UVSSA: variants seen among roughly 807,000 people sequenced by gnomAD.
UVSSA encodes the protein UV-stimulated scaffold protein A.
A neutral mutation model predicts 73.9 loss-of-function variants in UVSSA; 72 were observed. The observed-to-expected ratio is 0.97, with a 90% CI of 0.81 to 1.19. UVSSA has a LOEUF of 1.19. Ranked by LOEUF, UVSSA falls within the 50% of genes most tolerant of loss-of-function variation. The pLI, the probability that UVSSA is intolerant of heterozygous loss-of-function variation, is 0.00. For missense variants in UVSSA, 1,150 were observed against 965.0 expected (o/e 1.19, Z -2.54); for synonymous variants, 454 against 391.3 (o/e 1.16, Z -1.89).
chr4:1,342,331 TC>T (rs1713461245), upstream of UVSSA, among the ~76,000 whole-genome samples: 1 of 152,198 alleles, frequency 6.6e-6, no homozygotes, highest in Non-Finnish European at 1.5e-5. Context: ...CCCTTGCTTT[TC>T]TTTGATGTCT....
At chr4:1,367,149 A>G (rs1265279476) in intron 8 of UVSSA, among the ~76,000 whole-genome samples, 1 of 152,136 alleles carries the variant, frequency 6.6e-6, no homozygotes, top group East Asian at 1.9e-4. Flanking sequence ...GTCAGGGAGC[A>G]CTCGGGAGGT....
rs199712737 is a variant in UVSSA at position 1,354,714 on chromosome 4, C to T, written c.935-21C>T. 6.3e-4 allele frequency: 1,009 copies of T among 1,608,574 alleles called. 5 individuals carry two copies. Among genetic ancestry groups the T allele is most frequent in the Middle Eastern group, 3.6e-3 (22 of 6,052 alleles). ...GACGCCAGTCGGCGCCCTCTTGTGA[C>T]CTCTGTGTGCTTCTCCCCAGAGGGC... On this transcript the variant is annotated intron_variant, in intron 5 of 13. Transcript: ENST00000389851.
chr4:1,349,921 G>A, intron 3 of UVSSA, 67 bp downstream of exon 3: 1 of 1,384,830 alleles, frequency 7.2e-7, no homozygotes, highest in Non-Finnish European at 9.6e-7. Flanking sequence ...ACGATACCAG[G>A]GTGAAGATGC....
Position 1,380,158 on chromosome 4 carries a change from T to A in UVSSA, c.1680T>A (p.Phe560Leu). Residue 560 changes from phenylalanine (F) to leucine (L), a missense_variant, in exon 11 of 14, where the codon TTT (phenylalanine) becomes TTA (leucine). Phe to Leu is a conservative substitution (Grantham distance 22). Coordinates refer to ENST00000389851, the MANE Select transcript of UVSSA (RefSeq NM_020894.4). ...RSRHITFAGK[F>L]EPVQHWCRAP... ...GCCACATCACTTTTGCCGGGAAGTTTGAGCCTGTGCAGCACTGGTGCCGTG... is the reference window on the plus strand; with the variant it reads ...GCCACATCACTTTTGCCGGGAAGTTAGAGCCTGTGCAGCACTGGTGCCGTG... The A allele has an allele frequency of 6.2e-7, 1 of 1,613,140 alleles. No individual in the cohort carries two copies. Among genetic ancestry groups the A allele is most frequent in the African/African-American group, 1.3e-5 (1 of 75,028 alleles).
Position 1,376,126 on chromosome 4 carries a change from A to C in UVSSA, c.1526A>C (p.His509Pro), listed in dbSNP as rs368442048. 1.1e-5 allele frequency: 17 copies of C among 1,610,216 alleles called. No homozygotes were observed. The South Asian group carries it at 1.3e-4, about 13-fold the overall frequency. ...APVVPYGVDL[H>P]YWGQELPTAG... ...GTGGTGCCCTACGGCGTGGACCTGCACTACTGGGGCCAGGAGCTCCCCACA... is the reference window on the plus strand; with the variant it reads ...GTGGTGCCCTACGGCGTGGACCTGCCCTACTGGGGCCAGGAGCTCCCCACA... Residue 509 changes from histidine (H) to proline (P), a missense_variant, in exon 10 of 14, where the codon CAC (histidine) becomes CCC (proline). Transcript: ENST00000389851.
In UVSSA at chr4:1,383,959, T is replaced by G; in HGVS notation, c.2036+19T>G. On this transcript the variant is annotated intron_variant, in intron 13 of 13. Transcript: ENST00000389851. Reference sequence around the variant, plus strand: ...TCGCCAAGTAAGAGTGGCTGCTGGGTCACCTCCCACCGCGTGGCCCCCCCG... The same window carrying G: ...TCGCCAAGTAAGAGTGGCTGCTGGGGCACCTCCCACCGCGTGGCCCCCCCG... The G allele has an allele frequency of 6.2e-7, 1 of 1,602,852 alleles. No homozygotes were observed. The highest frequency in any genetic ancestry group is 8.5e-7 in the Non-Finnish European group (1 of 1,175,208).
Position 1,353,363 on chromosome 4 carries a change from G to A in UVSSA, c.884G>A (p.Ser295Asn), listed in dbSNP as rs1357949990. ...AGCGACCTCGAGGAGTTTGTGCGGAGCCACGGGCTGGGCTCGCACAAGTAC... is the reference window on the plus strand; with the variant it reads ...AGCGACCTCGAGGAGTTTGTGCGGAACCACGGGCTGGGCTCGCACAAGTAC... ...EDSDLEEFVRSHGLGSHKYTL... is the reference protein window; with the variant it reads ...EDSDLEEFVRNHGLGSHKYTL... Residue 295 changes from serine (S) to asparagine (N), a missense_variant, in exon 5 of 14, where the codon AGC becomes AAC. Coordinates refer to ENST00000389851, the MANE Select transcript of UVSSA (RefSeq NM_020894.4). 1.2e-6 allele frequency: 2 copies of A among 1,606,692 alleles called. No homozygotes were observed. The highest frequency in any genetic ancestry group is 1.7e-6 in the Non-Finnish European group (2 of 1,177,240).
chr4:1,369,305 T>C (rs562620583), intron 8 of UVSSA, among the ~76,000 whole-genome samples: 1 of 152,318 alleles, frequency 6.6e-6, no homozygotes, highest in East Asian at 1.9e-4. Context: ...AGAGCTGCCC[T>C]CTGGGGTGCG....
chr4:1,346,700 G>T (rs1044618853), upstream of UVSSA, among the ~76,000 whole-genome samples: 1 of 152,092 alleles, frequency 6.6e-6, no homozygotes, highest in Non-Finnish European at 1.5e-5. Flanking sequence ...GCCCGTCTGG[G>T]CGGTCCTCAC....
At position 1,349,039 on chromosome 4, in the gene UVSSA, T is replaced by TGCG. The variant is rs1553874580; in HGVS notation, c.99-484_99-483insCGG. On this transcript the variant is annotated intron_variant, in intron 2 of 13. Transcript: ENST00000389851. ...GGTGTGCGGTTTGTGCCAGGCGGTG[T>TGCG]GTGTTTGTGCCGGGCGGTTGGCGTT... Among the ~76,000 whole-genome samples, 230 of 50,942 alleles carry TGCG rather than the reference T, an allele frequency of 4.5e-3. 2 individuals carry two copies. The highest frequency in any genetic ancestry group is 0.013 in the African/African-American group (186 of 14,260). The allele number at this position is 50,942 out of a possible 152,430, so 33.4% of individuals were successfully genotyped here. A position where few individuals can be genotyped will look rare whatever the true frequency, so the allele number is the denominator to read the frequency against.
intron 7 of UVSSA, among the ~76,000 whole-genome samples, chr4:1,362,911 G>C (rs994199601): frequency 1.3e-5 from 2 of 152,202 alleles, no homozygotes; most frequent in African/African-American, 4.8e-5. Context: ...TAGGCTCACG[G>C]CTTCCCCATC....
At chr4:1,344,855 T>C (rs1332038824), upstream of UVSSA, among the ~76,000 whole-genome samples, 1 of 151,766 alleles carries the variant, frequency 6.6e-6, no homozygotes, top group Non-Finnish European at 1.5e-5. Flanking sequence ...TTGCTCAGGG[T>C]GAGACATGAG....
chr4:1,376,133 G>C lies in UVSSA; in HGVS notation c.1533G>C (p.Trp511Cys). Residue 511 changes from tryptophan to cysteine, a missense_variant, in exon 10 of 14, where the codon TGG becomes TGC. Physicochemically the swap from Trp to Cys is radical, Grantham distance 215. Coordinates refer to ENST00000389851, the MANE Select transcript of UVSSA (RefSeq NM_020894.4). ...VVPYGVDLHY[W>C]GQELPTAGKI... Reference sequence around the variant, plus strand: ...CCTACGGCGTGGACCTGCACTACTGGGGCCAGGAGCTCCCCACAGCCGGGA... The same window carrying C: ...CCTACGGCGTGGACCTGCACTACTGCGGCCAGGAGCTCCCCACAGCCGGGA... 2 of 1,610,362 alleles carry C rather than the reference G, an allele frequency of 1.2e-6. No individual in the cohort carries two copies. The highest frequency in any genetic ancestry group is 1.7e-6 in the Non-Finnish European group (2 of 1,178,876).
chr4:1,355,786 C>T (rs558138297), intron 7 of UVSSA, among the ~76,000 whole-genome samples: 6 of 152,138 alleles, frequency 3.9e-5, no homozygotes, highest in South Asian at 2.1e-4. Context: ...GCAGGGCTGC[C>T]GCGAGGGGCT....
rs1553874604 is a variant in UVSSA at position 1,349,061 on chromosome 4, C to CGTTTGTGCCGGGCGGTGTACG, written c.99-446_99-445insTACGGTTTGTGCCGGGCGGTG. 1.6e-3 allele frequency among the ~76,000 whole-genome samples: 217 copies of CGTTTGTGCCGGGCGGTGTACG among 137,896 alleles called. 1 individual carries two copies. In the South Asian group the frequency reaches 0.02, roughly 13 times the overall value. The allele number at this position is 137,896 out of a possible 152,430, so 90.5% of individuals were successfully genotyped here. A position where few individuals can be genotyped will look rare whatever the true frequency, so the allele number is the denominator to read the frequency against. On this transcript the variant is annotated intron_variant, in intron 2 of 13. Transcript: ENST00000389851. ...GTGTGTGTTTGTGCCGGGCGGTTGG[C>CGTTTGTGCCGGGCGGTGTACG]GTTTGTGCCGGGCGGTGGGCGTTTG...
intron 3 of UVSSA, 37 bp from the exon 4 acceptor site, chr4:1,351,678 C>T (rs370582224): frequency 1.4e-5 from 23 of 1,605,260 alleles, no homozygotes; most frequent in East Asian, 4.5e-5. Context: ...CGTGAGCCAC[C>T]GCGCCTGTCC....
At chr4:1,363,607 C>T (rs1000006719) in intron 7 of UVSSA, among the ~76,000 whole-genome samples, 2 of 152,144 alleles carry the variant, frequency 1.3e-5, no homozygotes, top group Non-Finnish European at 2.9e-5. Context: ...GGCTGAGAAC[C>T]GTAATGCCCT....
At chr4:1,384,050 G>A in intron 13 of UVSSA, 110 bp downstream of exon 13, 2 of 1,347,248 alleles carry the variant, frequency 1.5e-6, no homozygotes, top group Non-Finnish European at 2.0e-6. Context: ...GCCTCCAGGG[G>A]CTCCCCTGCT....
At chr4:1,345,851 T>C (rs1294876928), upstream of UVSSA, among the ~76,000 whole-genome samples, 1 of 151,956 alleles carries the variant, frequency 6.6e-6, no homozygotes, top group Admixed American at 6.6e-5. Flanking sequence ...GGCACCCTTT[T>C]ATACTAATGA....
Sources: gnomAD v4.1 joint callset for allele counts (sites outside exome capture counted in the v4.1 genomes callset) on GRCh38, gnomAD v4.1.1 for gene constraint, MANE v1.5 for transcripts, NCBI Gene and HGNC (gene_info 2026-07-23, HGNC 2026-07-21) for gene names.